The following FBXL7 variants were observed in gnomAD, a reference collection of about 807,000 sequenced individuals.
FBXL7 encodes F-box/LRR-repeat protein 7.
In FBXL7, 12 loss-of-function variants were observed where a neutral mutation model predicts 38.3. The ratio of observed to expected loss-of-function variants is 0.31; its 90% CI spans 0.20 to 0.51. FBXL7 has a LOEUF of 0.51. FBXL7 is among the 20% of genes least tolerant of loss of function. The pLI, the probability that FBXL7 is intolerant of heterozygous loss-of-function variation, is 0.98. For missense variants in FBXL7, 567 were observed against 676.4 expected, an observed-to-expected ratio of 0.84 and a Z score of 1.79; for synonymous variants, 297 against 300.9, an observed-to-expected ratio of 0.99 and a Z score of 0.13.
chr5:15,607,821 G>C (rs1740081248), intron 1 of FBXL7, among the ~76,000 whole-genome samples: 1 of 152,204 alleles, frequency 6.6e-6, no homozygotes, highest in Admixed American at 6.5e-5. Context: ...AACTTAGTGT[G>C]TTCGTTTTCC....
chr5:15,626,437 TTCAG>T (rs1430003832), intron 2 of FBXL7, among the ~76,000 whole-genome samples: 1 of 152,174 alleles, frequency 6.6e-6, no homozygotes, highest in African/African-American at 2.4e-5. Context: ...TAAATACCAT[TTCAG>T]ACGCAAGTAA....
intron 2 of FBXL7, among the ~76,000 whole-genome samples, chr5:15,620,230 C>CTTTTTTTTTT (rs796293132): frequency 1.3e-4 from 17 of 134,140 alleles, no homozygotes; most frequent in African/African-American, 1.4e-4. Context: ...TTCTTTTTTT[C>CTTTTTTTTTT]TTTTTTTTTT....
At chr5:15,737,655 G>T (rs886619595) in intron 2 of FBXL7, among the ~76,000 whole-genome samples, 1 of 152,080 alleles carries the variant, frequency 6.6e-6, no homozygotes, top group Non-Finnish European at 1.5e-5. Context: ...AATACCCTGC[G>T]CTTCATGGTA....
At chr5:15,567,370 TG>T in intron 1 of FBXL7, among the ~76,000 whole-genome samples, 1 of 152,256 alleles carries the variant, frequency 6.6e-6, no homozygotes, top group Non-Finnish European at 1.5e-5. Context: ...AAAAGATATT[TG>T]TTTTTTCTTC....
intron 2 of FBXL7, among the ~76,000 whole-genome samples, chr5:15,662,285 A>ATG (rs1742111212): frequency 6.6e-6 from 1 of 152,158 alleles, no homozygotes; most frequent in Non-Finnish European, 1.5e-5. Flanking sequence ...TATCAGCTGC[A>ATG]TGTATGTCTT....
chr5:15,729,936 G>T (rs1466633463), intron 2 of FBXL7, among the ~76,000 whole-genome samples: 1 of 152,134 alleles, frequency 6.6e-6, no homozygotes, highest in African/African-American at 2.4e-5. Flanking sequence ...GTCAGTTCCA[G>T]ATTTCACGTT....
intron 2 of FBXL7, among the ~76,000 whole-genome samples, chr5:15,845,950 C>T (rs1738889106): frequency 6.6e-6 from 1 of 152,158 alleles, no homozygotes; most frequent in Non-Finnish European, 1.5e-5. Flanking sequence ...CCAGCCTGGG[C>T]AACAGAGCGA....
chr5:15,893,117 A>G (rs1169836473), intron 2 of FBXL7, among the ~76,000 whole-genome samples: 2 of 146,020 alleles, frequency 1.4e-5, no homozygotes, highest in Non-Finnish European at 3.0e-5. Context: ...CTCTGTCTCA[A>G]AAAAAAAAAA....
At chr5:15,615,927 A>G in intron 1 of FBXL7, 56 bp from the exon 2 acceptor site, 1 of 1,180,608 alleles carries the variant, frequency 8.5e-7, no homozygotes, top group Non-Finnish European at 1.3e-6. Flanking sequence ...AGTGGAAGGC[A>G]TGGTCCAGGT....
At position 15,606,291 on chromosome 5, in the gene FBXL7, GCA is replaced by G. The variant is rs148470712; in HGVS notation, c.38-9675_38-9674del. ...GCAGAACACACATACATGCGCACGT[GCA>G]CACACACACACACACAATGTACATG... On this transcript the variant is annotated intron_variant, in intron 1 of 3. Transcript: ENST00000504595. Among the ~76,000 whole-genome samples the G allele has an allele frequency of 0.012, 1,792 of 150,380 alleles. 54 individuals carry two copies. In the East Asian group the frequency reaches 0.15, roughly 12 times the overall value.
rs1561134332 is a variant in FBXL7 at position 15,808,014 on chromosome 5, C to T, written c.128-119876C>T. Reference sequence around the variant, plus strand: ...GGCTCTGCCTGTCCACTGTCTTCCCCCGTGACCGTAGACCAGGATTTGGCA... The same window carrying T: ...GGCTCTGCCTGTCCACTGTCTTCCCTCGTGACCGTAGACCAGGATTTGGCA... On this transcript the variant is annotated intron_variant, in intron 2 of 3. Transcript: ENST00000504595. Among the ~76,000 whole-genome samples the T allele has an allele frequency of 6.6e-5, 10 of 152,260 alleles. 1 individual carries two copies. The South Asian group carries it at 2.1e-3, about 32-fold the overall frequency.
intron 2 of FBXL7, among the ~76,000 whole-genome samples, chr5:15,845,690 G>A (rs775715399): frequency 3.9e-5 from 6 of 152,106 alleles, no homozygotes; most frequent in Non-Finnish European, 7.3e-5. Flanking sequence ...AAAATACAGA[G>A]GCTGGGTGTG....
chr5:15,508,709 G>C (rs1328405960), intron 1 of FBXL7, among the ~76,000 whole-genome samples: 1 of 152,012 alleles, frequency 6.6e-6, no homozygotes, highest in African/African-American at 2.4e-5. Flanking sequence ...TTTCTCTTTA[G>C]TACTTCTTTC....
intron 1 of FBXL7, among the ~76,000 whole-genome samples, chr5:15,593,810 C>T (rs760618619): frequency 2.6e-5 from 4 of 152,052 alleles, no homozygotes; most frequent in Non-Finnish European, 5.9e-5. Flanking sequence ...CTATGGATGG[C>T]ACTATATACT....
chr5:15,577,590 C>T (rs1739008673), intron 1 of FBXL7, among the ~76,000 whole-genome samples: 1 of 127,982 alleles, frequency 7.8e-6, no homozygotes, highest in Non-Finnish European at 1.6e-5. Context: ...CTATGTAATG[C>T]ATTTTGTGTG....
intron 2 of FBXL7, among the ~76,000 whole-genome samples, chr5:15,651,474 C>T (rs1344838726): frequency 6.6e-6 from 1 of 152,128 alleles, no homozygotes; most frequent in African/African-American, 2.4e-5. Context: ...TGTTAGCAGG[C>T]ATGGAAACAA....
At chr5:15,594,200 T>C (rs577387929) in intron 1 of FBXL7, among the ~76,000 whole-genome samples, 12 of 152,324 alleles carry the variant, frequency 7.9e-5, no homozygotes, top group African/African-American at 2.4e-4. Flanking sequence ...GGAAATATTG[T>C]CCTTTTGAAT....
intron 2 of FBXL7, among the ~76,000 whole-genome samples, chr5:15,781,453 G>A (rs556165419): frequency 6.6e-5 from 10 of 151,626 alleles, no homozygotes; most frequent in African/African-American, 1.5e-4. Flanking sequence ...GTGTGTGCGC[G>A]CGCGTGTGTG....
chr5:15,714,051 T>C (rs1459025501), intron 2 of FBXL7, among the ~76,000 whole-genome samples: 1 of 152,244 alleles, frequency 6.6e-6, no homozygotes, highest in Non-Finnish European at 1.5e-5. Flanking sequence ...GATTATGTTA[T>C]GGACCTTGAG....
Sources: gnomAD v4.1 joint callset for allele counts (sites outside exome capture counted in the v4.1 genomes callset) on GRCh38, gnomAD v4.1.1 for gene constraint, MANE v1.5 for transcripts, NCBI Gene and HGNC (gene_info 2026-07-23, HGNC 2026-07-21) for gene names.